Variants in LRRC4C observed in about 807,000 individuals in gnomAD.
The protein encoded by LRRC4C is leucine-rich repeat-containing protein 4C.
A neutral mutation model predicts 33.6 loss-of-function variants in LRRC4C; 5 were observed. The ratio of observed to expected loss-of-function variants is 0.15; its 90% CI spans 0.08 to 0.31. The LOEUF is 0.31. Among genes scored for constraint, LRRC4C ranks in the 10% least tolerant of loss-of-function variants. The probability of loss-of-function intolerance (pLI) is 1.00; values close to 1 mark genes in which losing one functional copy is unlikely to be tolerated. For missense variants in LRRC4C, 560 were observed against 796.7 expected, an observed-to-expected ratio of 0.70 and a Z score of 3.58; for synonymous variants, 329 against 302.0, an observed-to-expected ratio of 1.09 and a Z score of -0.93.
chr11:40,464,022 CACA>C (rs1952535157), intron 3 of LRRC4C, among the ~76,000 whole-genome samples: 1 of 151,912 alleles, frequency 6.6e-6, no homozygotes, highest in South Asian at 2.1e-4. Context: ...CAAGCAAGCA[CACA>C]ACAACAACAA....
chr11:40,374,858 T>C (rs1279803458), intron 3 of LRRC4C, among the ~76,000 whole-genome samples: 1 of 152,158 alleles, frequency 6.6e-6, no homozygotes, highest in East Asian at 1.9e-4. Context: ...AAACCCCAAA[T>C]ACTTTGGGAC....
intron 1 of LRRC4C, among the ~76,000 whole-genome samples, chr11:41,130,055 G>A (rs1942940325): frequency 6.6e-6 from 1 of 151,954 alleles, no homozygotes; most frequent in African/African-American, 2.4e-5. Flanking sequence ...AGAGAGAATA[G>A]GATGTGTAAC....
At chr11:41,152,197 C>T (rs979151429) in intron 1 of LRRC4C, among the ~76,000 whole-genome samples, 1 of 152,152 alleles carries the variant, frequency 6.6e-6, no homozygotes, top group Non-Finnish European at 1.5e-5. Flanking sequence ...TTATGGATTC[C>T]TTGTATCCTG....
At chr11:41,388,347 G>A (rs982649508) in intron 1 of LRRC4C, among the ~76,000 whole-genome samples, 2 of 151,810 alleles carry the variant, frequency 1.3e-5, no homozygotes, top group African/African-American at 2.4e-5. Context: ...ATATCCACTA[G>A]AGCTGTATAA....
At chr11:40,987,254 G>A (rs868028443) in intron 1 of LRRC4C, among the ~76,000 whole-genome samples, 7 of 151,982 alleles carry the variant, frequency 4.6e-5, no homozygotes, top group Non-Finnish European at 5.9e-5. Flanking sequence ...TAAATCTCAG[G>A]GAATACCTAC....
intron 1 of LRRC4C, among the ~76,000 whole-genome samples, chr11:41,041,655 GCACA>G (rs1278948262): frequency 6.6e-6 from 1 of 151,998 alleles, no homozygotes; most frequent in East Asian, 1.9e-4. Context: ...ACAGAAATGT[GCACA>G]CACTCATACA....
intron 2 of LRRC4C, among the ~76,000 whole-genome samples, chr11:40,747,198 C>A (rs1013545885): frequency 2.6e-5 from 4 of 152,172 alleles, no homozygotes; most frequent in Non-Finnish European, 4.4e-5. Context: ...CCACTGGGGC[C>A]CAAAGATCAG....
intron 3 of LRRC4C, among the ~76,000 whole-genome samples, chr11:40,467,731 C>T (rs1013905531): frequency 2.0e-4 from 31 of 152,124 alleles, no homozygotes; most frequent in African/African-American, 7.5e-4. Flanking sequence ...TAACAGAACC[C>T]TAACTGCCTA....
intron 4 of LRRC4C, among the ~76,000 whole-genome samples, chr11:40,281,038 A>C (rs1349612988): frequency 6.6e-6 from 1 of 152,180 alleles, no homozygotes; most frequent in Non-Finnish European, 1.5e-5. Context: ...AGGACTAAGG[A>C]TGAAGGCGGA....
intron 2 of LRRC4C, among the ~76,000 whole-genome samples, chr11:40,860,241 G>C (rs1290904055): frequency 6.6e-6 from 1 of 152,118 alleles, no homozygotes; most frequent in African/African-American, 2.4e-5. Flanking sequence ...GAGACAGACA[G>C]CAGATTGGTG....
intron 1 of LRRC4C, among the ~76,000 whole-genome samples, chr11:41,270,884 T>C (rs1949299520): frequency 6.6e-6 from 1 of 152,112 alleles, no homozygotes; most frequent in African/African-American, 2.4e-5. Flanking sequence ...ATTTGCTCCA[T>C]GTCTCTCTCT....
At chr11:41,007,938 G>A (rs968476303) in intron 1 of LRRC4C, among the ~76,000 whole-genome samples, 1 of 152,018 alleles carries the variant, frequency 6.6e-6, no homozygotes, top group African/African-American at 2.4e-5. Flanking sequence ...TATCCATCTT[G>A]TTACTTAAAT....
chr11:41,358,506 C>T (rs530686149), intron 1 of LRRC4C, among the ~76,000 whole-genome samples: 3 of 152,218 alleles, frequency 2.0e-5, no homozygotes, highest in Admixed American at 2.0e-4. Context: ...ACACATTTAA[C>T]AAAGGATTAT....
At chr11:40,690,754 C>A (rs1485731289) in intron 2 of LRRC4C, among the ~76,000 whole-genome samples, 1 of 151,982 alleles carries the variant, frequency 6.6e-6, no homozygotes, top group East Asian at 1.9e-4. Flanking sequence ...TGGAATCTTT[C>A]CTCAATGTGC....
intron 1 of LRRC4C, among the ~76,000 whole-genome samples, chr11:41,119,982 A>T (rs978008893): frequency 1.3e-5 from 2 of 152,168 alleles, no homozygotes; most frequent in East Asian, 3.9e-4. Context: ...GTTTTAAAGG[A>T]GAAAAAACTG....
At chr11:40,765,237 C>T (rs1949395114) in intron 2 of LRRC4C, among the ~76,000 whole-genome samples, 1 of 152,084 alleles carries the variant, frequency 6.6e-6, no homozygotes, top group Admixed American at 6.5e-5. Flanking sequence ...ACCATTGGTG[C>T]CACTCTTGTA....
intron 1 of LRRC4C, among the ~76,000 whole-genome samples, chr11:41,319,526 TTTTG>T (rs1227437678): frequency 6.6e-6 from 1 of 151,946 alleles, no homozygotes; most frequent in Non-Finnish European, 1.5e-5. Context: ...CCAACTAAGG[TTTTG>T]TTTGTTTGTC....
At chr11:40,615,238 T>TA (rs1961653233) in intron 3 of LRRC4C, among the ~76,000 whole-genome samples, 1 of 88,176 alleles carries the variant, frequency 1.1e-5, no homozygotes, top group South Asian at 4.0e-4. Context: ...TTGATTTATT[T>TA]TATATATATA....
intron 4 of LRRC4C, chr11:40,292,624 G>A (rs1490503914): frequency 3.9e-5 from 5 of 127,342 alleles, no homozygotes; most frequent in Non-Finnish European, 7.9e-5. Flanking sequence ...GTGAATCCTC[G>A]GTTCTTCATT....
Sources: gnomAD v4.1 joint callset for allele counts (sites outside exome capture counted in the v4.1 genomes callset) on GRCh38, gnomAD v4.1.1 for gene constraint, MANE v1.5 for transcripts, NCBI Gene and HGNC (gene_info 2026-07-23, HGNC 2026-07-21) for gene names.